COA1: variants seen among roughly 807,000 people sequenced by gnomAD.
The protein encoded by COA1 is cytochrome c oxidase assembly factor 1 homolog.
COA1 carries 13 observed loss-of-function variants against 16.0 expected under a neutral mutation model. The observed-to-expected ratio is 0.81, with a 90% CI of 0.53 to 1.29. The LOEUF is 1.29. COA1 is among the 50% of genes most tolerant of loss of function. COA1 has a pLI of 0.00. For missense variants in COA1, 179 were observed against 177.0 expected (o/e 1.01, Z -0.06); for synonymous variants, 65 against 65.7 (o/e 0.99, Z 0.05).
chr7:43,629,248 T>C (rs1384148947), intron 6 of COA1, among the ~76,000 whole-genome samples: 1 of 152,220 alleles, frequency 6.6e-6, no homozygotes. Flanking sequence ...AAAACAGACG[T>C]TCTAATTTCT....
chr7:43,616,133 C>A (rs541704412), intron 6 of COA1, among the ~76,000 whole-genome samples: 1 of 152,280 alleles, frequency 6.6e-6, no homozygotes, highest in Admixed American at 6.5e-5. Context: ...ATGAGGAAAT[C>A]TTTTTACCCT....
intron 1 of COA1, among the ~76,000 whole-genome samples, chr7:43,706,853 G>A (rs2095000753): frequency 6.7e-6 from 1 of 149,392 alleles, no homozygotes; most frequent in South Asian, 2.1e-4. Flanking sequence ...CTGGGCAACA[G>A]AGAAAGACCT....
intron 1 of COA1, among the ~76,000 whole-genome samples, chr7:43,727,958 T>C (rs2095650998): frequency 1.3e-5 from 2 of 151,318 alleles, no homozygotes; most frequent in African/African-American, 4.8e-5. Context: ...AATGTACTAA[T>C]TACTTTTAGG....
At chr7:43,641,276 C>T (rs1038796251) in intron 4 of COA1, among the ~76,000 whole-genome samples, 6 of 144,402 alleles carry the variant, frequency 4.2e-5, no homozygotes, top group Non-Finnish European at 7.4e-5. Flanking sequence ...TCAGATAGGA[C>T]GCTTGGATTT....
At chr7:43,613,441 T>G (rs2083060559) in intron 6 of COA1, among the ~76,000 whole-genome samples, 1 of 152,202 alleles carries the variant, frequency 6.6e-6, no homozygotes. Context: ...ATCACAGATT[T>G]TGGTATCTGC....
chr7:43,662,202 C>T (rs539691781), intron 1 of COA1, among the ~76,000 whole-genome samples: 2 of 152,278 alleles, frequency 1.3e-5, no homozygotes, highest in South Asian at 2.1e-4. Flanking sequence ...TCCAACTACG[C>T]ATCTATTTGA....
At chr7:43,660,551 A>G (rs2092317778) in intron 1 of COA1, among the ~76,000 whole-genome samples, 1 of 152,204 alleles carries the variant, frequency 6.6e-6, no homozygotes. Flanking sequence ...TAAGTGAAGA[A>G]GCTGAGATTT....
At chr7:43,724,153 T>C (rs1313202789) in intron 1 of COA1, among the ~76,000 whole-genome samples, 6 of 152,184 alleles carry the variant, frequency 3.9e-5, no homozygotes, top group African/African-American at 1.4e-4. Flanking sequence ...TCTCATCTTT[T>C]ATGCAAATAA....
chr7:43,652,531 T>C (rs1031435354), intron 1 of COA1, among the ~76,000 whole-genome samples: 2 of 152,226 alleles, frequency 1.3e-5, no homozygotes, highest in Non-Finnish European at 2.9e-5. Context: ...ATTACATGCA[T>C]CTGTCTGACT....
intron 1 of COA1, among the ~76,000 whole-genome samples, chr7:43,672,773 C>CAAAAAAA (rs34219718): frequency 9.9e-6 from 1 of 100,826 alleles, no homozygotes; most frequent in Non-Finnish European, 2.0e-5. Flanking sequence ...CATCTCAAAC[C>CAAAAAAA]AAAAAAAAAA....
chr7:43,700,689 A>G (rs1230654883), intron 1 of COA1, among the ~76,000 whole-genome samples: 1 of 151,592 alleles, frequency 6.6e-6, no homozygotes, highest in Non-Finnish European at 1.5e-5. Context: ...TTTTCTTACA[A>G]TAGTCCTATT....
chr7:43,643,725 C>A (rs975352356), intron 4 of COA1, among the ~76,000 whole-genome samples: 1 of 152,222 alleles, frequency 6.6e-6, no homozygotes, highest in Non-Finnish European at 1.5e-5. Flanking sequence ...CACCACTGCA[C>A]ACCAGTGTGG....
intron 1 of COA1, among the ~76,000 whole-genome samples, chr7:43,713,180 G>C (rs1176812559): frequency 1.3e-5 from 2 of 152,108 alleles, no homozygotes; most frequent in Non-Finnish European, 2.9e-5. Flanking sequence ...TTGAACTCCT[G>C]ACCTCAAGTA....
At chr7:43,675,758 C>T (rs569513740) in intron 1 of COA1, among the ~76,000 whole-genome samples, 1 of 152,166 alleles carries the variant, frequency 6.6e-6, no homozygotes, top group Non-Finnish European at 1.5e-5. Flanking sequence ...CAAGATTACA[C>T]TTTGAAGGGA....
intron 6 of COA1, chr7:43,623,277 A>G: frequency 3.2e-6 from 1 of 315,020 alleles, no homozygotes; most frequent in Non-Finnish European, 5.8e-6. Flanking sequence ...GATAGAGACA[A>G]TGCTTAATAA....
At chr7:43,643,468 C>A (rs915172327) in intron 4 of COA1, among the ~76,000 whole-genome samples, 2 of 152,234 alleles carry the variant, frequency 1.3e-5, no homozygotes, top group Admixed American at 1.3e-4. Context: ...GGGAGCAATC[C>A]GGTGGCCTGG....
At chr7:43,642,438 A>G (rs935347303) in intron 4 of COA1, among the ~76,000 whole-genome samples, 10 of 152,170 alleles carry the variant, frequency 6.6e-5, no homozygotes, top group Non-Finnish European at 1.0e-4. Context: ...TAACAGAGCA[A>G]GGTTCCATCT....
chr7:43,708,062 G>C (rs2095065593), intron 1 of COA1, among the ~76,000 whole-genome samples: 1 of 152,180 alleles, frequency 6.6e-6, no homozygotes, highest in African/African-American at 2.4e-5. Flanking sequence ...AAATTAGCCA[G>C]GCATGGTGGC....
chr7:43,627,954 A>G (rs1001381191), intron 6 of COA1, among the ~76,000 whole-genome samples: 6 of 152,188 alleles, frequency 3.9e-5, no homozygotes, highest in South Asian at 2.1e-4. Flanking sequence ...GTCGATGCTT[A>G]TATCAGCAGT....
Sources: gnomAD v4.1 joint callset for allele counts (sites outside exome capture counted in the v4.1 genomes callset) on GRCh38, gnomAD v4.1.1 for gene constraint, MANE v1.5 for transcripts, NCBI Gene and HGNC (gene_info 2026-07-23, HGNC 2026-07-21) for gene names.